The following TANC1 variants were observed in gnomAD, a reference collection of about 807,000 sequenced individuals.
The protein encoded by TANC1 is tetratricopeptide repeat, ankyrin repeat and coiled-coil containing 1.
A neutral mutation model predicts 149.7 loss-of-function variants in TANC1; 77 were observed. The ratio of observed to expected loss-of-function variants is 0.51; its 90% confidence interval spans 0.43 to 0.62. TANC1 has a LOEUF of 0.62. Among genes scored for constraint, TANC1 ranks in the 20% least tolerant of loss-of-function variants. The pLI is 0.00. For missense variants in TANC1, 1,985 were observed against 2,321.8 expected, an observed-to-expected ratio of 0.85 and a Z score of 2.98; for synonymous variants, 854 against 925.0, an observed-to-expected ratio of 0.92 and a Z score of 1.39.
At chr2:159,216,280 G>A (rs1186242604) in intron 19 of TANC1, among the ~76,000 whole-genome samples, 1 of 152,098 alleles carries the variant, frequency 6.6e-6, no homozygotes, top group Admixed American at 6.5e-5. Context: ...TGACTGACTT[G>A]TAAGAAGACT....
At chr2:159,142,367 A>T (rs1476823918) in intron 5 of TANC1, among the ~76,000 whole-genome samples, 1 of 152,256 alleles carries the variant, frequency 6.6e-6, no homozygotes, top group Non-Finnish European at 1.5e-5. Context: ...AATTGTTGGT[A>T]AAACTTCTGA....
intron 24 of TANC1, 37 bp downstream of exon 24, chr2:159,225,816 G>A (rs1443408443): frequency 1.4e-6 from 2 of 1,470,222 alleles, no homozygotes; most frequent in African/African-American, 1.4e-5. Context: ...CATTGAAACT[G>A]CCTGGGAGCA....
chr2:158,969,104 T>TG (rs963672342), intron 1 of TANC1, among the ~76,000 whole-genome samples: 2 of 152,142 alleles, frequency 1.3e-5, no homozygotes, highest in African/African-American at 4.8e-5. Context: ...CGGGAACGCT[T>TG]GGGGCACGCT....
chr2:159,057,806 C>T (rs2041964146), intron 2 of TANC1, among the ~76,000 whole-genome samples: 1 of 152,152 alleles, frequency 6.6e-6, no homozygotes, highest in African/African-American at 2.4e-5. Flanking sequence ...AAGAAGGCTT[C>T]GAAGATGAGG....
chr2:159,011,464 A>T (rs939358363), intron 2 of TANC1, among the ~76,000 whole-genome samples: 4 of 152,014 alleles, frequency 2.6e-5, no homozygotes, highest in Non-Finnish European at 4.4e-5. Flanking sequence ...CCCTGTCTGA[A>T]TTCTGAACCA....
At chr2:159,045,844 T>C (rs2040997284) in intron 2 of TANC1, among the ~76,000 whole-genome samples, 1 of 152,202 alleles carries the variant, frequency 6.6e-6, no homozygotes, top group South Asian at 2.1e-4. Flanking sequence ...TTGCATGCGA[T>C]AGCATTTTCT....
chr2:158,996,306 G>A (rs1012798463), intron 1 of TANC1, among the ~76,000 whole-genome samples: 2 of 148,668 alleles, frequency 1.3e-5, no homozygotes, highest in African/African-American at 5.0e-5. Flanking sequence ...GCTGCAGTGA[G>A]CCGAGATCTC....
rs141376552 is a variant in TANC1 at position 159,028,310 on chromosome 2, G to A, written c.-16+27121G>A. 2.9e-3 allele frequency among the ~76,000 whole-genome samples: 440 copies of A among 152,136 alleles called. 3 individuals are homozygous for A. The highest frequency in any genetic ancestry group is 9.9e-3 in the African/African-American group (409 of 41,506). ...TAATTTTTGTGTTTTTAGTAGAGAC[G>A]GGGTTTCACCATGTTGGCCAAGCTG... is the stretch of plus-strand genomic sequence containing the variant. On this transcript the variant is annotated intron_variant, in intron 2 of 26. Transcript: ENST00000263635.
At chr2:158,969,038 G>T (rs906384929) in intron 1 of TANC1, among the ~76,000 whole-genome samples, 4 of 152,188 alleles carry the variant, frequency 2.6e-5, no homozygotes, top group Admixed American at 1.3e-4. Flanking sequence ...CCTTCCTTGC[G>T]CGGTTCCCCC....
intron 1 of TANC1, among the ~76,000 whole-genome samples, chr2:158,996,415 T>C (rs1363044827): frequency 6.6e-6 from 1 of 152,250 alleles, no homozygotes; most frequent in African/African-American, 2.4e-5. Context: ...TTCACAGACA[T>C]ATGTTAAATA....
chr2:159,031,136 G>C (rs1386199715), intron 2 of TANC1, among the ~76,000 whole-genome samples: 1 of 152,224 alleles, frequency 6.6e-6, no homozygotes, highest in Non-Finnish European at 1.5e-5. Flanking sequence ...GGTGATTTAG[G>C]CCTGTGGAAT....
rs1231380420 is a variant in TANC1, at chr2:159,037,088, A to C, written c.-15-28808A>C. Among the ~76,000 whole-genome samples the C allele has an allele frequency of 7.9e-5, 12 of 152,148 alleles. 1 individual carries two copies. The South Asian group carries it at 2.5e-3, about 32-fold the overall frequency. On this transcript the variant is annotated intron_variant, in intron 2 of 26. Coordinates refer to ENST00000263635, the MANE Select transcript of TANC1 (RefSeq NM_033394.3). ...GAGATGGTATCTCATTGTGGTTTTG[A>C]TTTGCATTTCTCTGATGACCAGTGG...
chr2:159,201,924 C>G (rs1048463067), intron 19 of TANC1, among the ~76,000 whole-genome samples: 2 of 152,324 alleles, frequency 1.3e-5, no homozygotes, highest in East Asian at 3.9e-4. Context: ...GGGATACCCC[C>G]GTTAGGAGGA....
intron 3 of TANC1, among the ~76,000 whole-genome samples, chr2:159,073,824 A>AT (rs2043384800): frequency 6.6e-6 from 1 of 152,202 alleles, no homozygotes; most frequent in Non-Finnish European, 1.5e-5. Flanking sequence ...AATGTAAAAA[A>AT]CTTGATTTCA....
chr2:159,160,001 AG>A (rs1390218116), intron 7 of TANC1, among the ~76,000 whole-genome samples: 1 of 152,202 alleles, frequency 6.6e-6, no homozygotes, highest in Non-Finnish European at 1.5e-5. Flanking sequence ...TTCAAAAAAA[AG>A]AAAAGTGTTT....
At chr2:159,212,565 C>T (rs552756838) in intron 19 of TANC1, among the ~76,000 whole-genome samples, 1 of 152,074 alleles carries the variant, frequency 6.6e-6, no homozygotes, top group African/African-American at 2.4e-5. Context: ...TGTGTTGTAT[C>T]CATGGGAGAT....
chr2:159,003,518 A>G (rs553900254), intron 2 of TANC1, among the ~76,000 whole-genome samples: 7 of 152,092 alleles, frequency 4.6e-5, no homozygotes, highest in African/African-American at 1.4e-4. Flanking sequence ...TCTAAAGCAC[A>G]GAGAGGTTAA....
At chr2:159,045,505 C>T (rs557939850) in intron 2 of TANC1, among the ~76,000 whole-genome samples, 3 of 151,978 alleles carry the variant, frequency 2.0e-5, no homozygotes, top group Admixed American at 6.6e-5. Context: ...CCAGAAGATC[C>T]GAAGAAATTG....
chr2:159,163,201 G>T, intron 7 of TANC1, 82 bp from the exon 8 acceptor site: 1 of 1,376,742 alleles, frequency 7.3e-7, no homozygotes, highest in Non-Finnish European at 1.0e-6. Flanking sequence ...CATTGATCCT[G>T]GGGAGGGCAG....
Sources: allele counts gnomAD v4.1 joint callset (sites outside exome capture counted in the v4.1 genomes callset), GRCh38; gene constraint gnomAD v4.1.1; transcripts MANE v1.5; gene names NCBI Gene and HGNC (gene_info 2026-07-23, HGNC 2026-07-21).